Variants in CATSPERD observed in about 807,000 individuals in gnomAD.
CATSPERD encodes catsper channel auxiliary subunit delta, also known as cation channel sperm-associated auxiliary subunit delta.
Under a neutral mutation model 98.1 loss-of-function variants are expected in CATSPERD, and 86 were observed. The observed-to-expected ratio is 0.88, with a 90% CI of 0.74 to 1.05. The LOEUF (loss-of-function observed/expected upper bound fraction) is 1.05, where lower values mean the gene tolerates loss of function less well. CATSPERD is among the 50% of genes least tolerant of loss of function. The probability of loss-of-function intolerance (pLI) is 0.00; values close to 1 mark genes in which losing one functional copy is unlikely to be tolerated. For synonymous variants in CATSPERD, 394 were observed against 390.2 expected, an observed-to-expected ratio of 1.01 and a Z score of -0.12; for missense variants, 995 against 1,005.7, an observed-to-expected ratio of 0.99 and a Z score of 0.14.
intron 16 of CATSPERD, among the ~76,000 whole-genome samples, chr19:5,763,847 C>CTGTTTTTTTTTTTTTTTTTTTTTTTT: frequency 1.6e-5 from 1 of 62,136 alleles, no homozygotes; most frequent in South Asian, 6.2e-4. Flanking sequence ...TCTTGAACTC[C>CTGTTTTTTTTTTTTTTTTTTTTTTTT]TTTTTTTTTT....
At chr19:5,742,210 ATGTGTGTACATG>A (rs1568350727) in intron 7 of CATSPERD, among the ~76,000 whole-genome samples, 1 of 48,146 alleles carries the variant, frequency 2.1e-5, no homozygotes. Context: ...ACATGTGTGC[ATGTGTGTACATG>A]TGTGTGCGTG....
rs776962512 is a variant in CATSPERD, at chr19:5,727,319, G to A, written c.178G>A (p.Glu60Lys). The change falls in exon 3 of 22, where the codon GAG becomes AAG. Residue 60 changes from glutamate to lysine, a missense_variant. Around this residue, in one of 3 missense-constraint regions of CATSPERD, gnomAD observed 228 missense variants for 209.6 expected, o/e 1.09. Transcript: ENST00000381624. Reference protein sequence around the residue: ...TTTRLIKHPCEKNIALYLGKQ... With the variant: ...TTTRLIKHPCKKNIALYLGKQ... ...AACACGCTTGATTAAACATCCTTGC[G>A]AGAAAAATATAGCACTATATCTAGG... The A allele has an allele frequency of 4.9e-5, 79 of 1,613,208 alleles. No homozygotes were observed. In the East Asian group the frequency reaches 1.5e-3, roughly 30 times the overall value.
chr19:5,766,079 T>C (rs2446200), intron 16 of CATSPERD, 24 bp from the exon 17 acceptor site: 1,353,711 of 1,603,810 alleles, frequency 0.84, 573,784 homozygotes, highest in Non-Finnish European at 0.86. Flanking sequence ...CCTGGGTCCA[T>C]ATTTCTGTCT....
rs368212653 is a variant in CATSPERD, at chr19:5,745,942, C to T, written c.687C>T (p.Leu229=). The part of the protein sequence containing the change: ...KGMFKYSDHP[L]NRSFGLSFDY... ...TGTTCAAGTACTCAGATCACCCCCT[C>T]AACCGGAGTTTCGGGCTGTCTTTTG... The change falls in exon 9 of 22, where the codon CTC becomes CTT. Residue 229 remains leucine (L), a synonymous_variant. Transcript: ENST00000381624. 3.1e-6 allele frequency: 5 copies of T among 1,614,020 alleles called. No homozygotes were observed. The African/African-American group carries it at 6.7e-5, about 22-fold the overall frequency.
intron 4 of CATSPERD, among the ~76,000 whole-genome samples, chr19:5,733,221 T>C (rs1319350357): frequency 6.6e-6 from 1 of 152,122 alleles, no homozygotes; most frequent in East Asian, 1.9e-4. Context: ...CTTGAAATCC[T>C]CACCTCAGGT....
Position 5,720,736 on chromosome 19 carries a change from CGATGCT to C in CATSPERD, c.4_9del (p.MetLeu5_?6). On this transcript the variant is annotated start_lost and 5_prime_UTR_variant, in exon 1 of 22. Transcript: ENST00000381624. ...CAGTGGTGGCGGCGGAAGCCCAAGT[CGATGCT>C]GATGTTGATGCTGGTGGCGGCTGTG... 6.2e-7 allele frequency: 1 copy of C among 1,606,562 alleles called. No homozygotes were observed. The highest frequency in any genetic ancestry group is 8.5e-7 in the Non-Finnish European group (1 of 1,179,608).
intron 14 of CATSPERD, 119 bp downstream of exon 14, chr19:5,758,051 C>G (rs1037388660): frequency 9.3e-6 from 7 of 751,818 alleles, no homozygotes; most frequent in African/African-American, 1.8e-5. Context: ...GGCCGTGCCC[C>G]GCGGTGGGAA....
At chr19:5,732,479 C>A (rs2055746012) in intron 4 of CATSPERD, among the ~76,000 whole-genome samples, 2 of 151,900 alleles carry the variant, frequency 1.3e-5, no homozygotes, top group South Asian at 4.2e-4. Flanking sequence ...GTCGCCTAGG[C>A]TGGAGTGCAG....
intron 18 of CATSPERD, among the ~76,000 whole-genome samples, chr19:5,768,461 T>C (rs1044095607): frequency 1.3e-5 from 2 of 151,880 alleles, no homozygotes; most frequent in East Asian, 1.9e-4. Context: ...CTCAGCCTCC[T>C]GAGTAGTTGG....
In CATSPERD at chr19:5,751,717, T is replaced by C; in HGVS notation, c.1058T>C (p.Leu353Pro). ...AGGAGCCCAGGGACTCTGGAAATACTGACCCCACTGCGTGACACAGCCTTT... is the reference window on the plus strand; with the variant it reads ...AGGAGCCCAGGGACTCTGGAAATACCGACCCCACTGCGTGACACAGCCTTT... ...MFRSPGTLEI[L>P]TPLRDTAFPA... Residue 353 changes from leucine to proline, a missense_variant, in exon 12 of 22, where the codon CTG becomes CCG. By Grantham distance (98) the Leu-to-Pro change is moderately conservative. Transcript: ENST00000381624. 1 of 1,613,918 alleles carries C rather than the reference T, an allele frequency of 6.2e-7. No individual in the cohort carries two copies. Among genetic ancestry groups the C allele is most frequent in the Non-Finnish European group, 8.5e-7 (1 of 1,179,962 alleles).
chr19:5,762,870 G>A (rs888293143), intron 15 of CATSPERD, among the ~76,000 whole-genome samples: 1 of 151,560 alleles, frequency 6.6e-6, no homozygotes, highest in African/African-American at 2.4e-5. Flanking sequence ...ATAGGTGGAT[G>A]GAATGGATGG....
intron 21 of CATSPERD, 145 bp from the exon 22 acceptor site, chr19:5,778,231 G>T: frequency 1.9e-5 from 11 of 573,990 alleles, no homozygotes; most frequent in Admixed American, 3.4e-5. Context: ...AAAAGGCATA[G>T]TGGATGGAAA....
intron 4 of CATSPERD, among the ~76,000 whole-genome samples, chr19:5,730,517 T>C (rs1265851445): frequency 6.6e-6 from 1 of 150,620 alleles, no homozygotes; most frequent in Non-Finnish European, 1.5e-5. Context: ...CACTCCAGCC[T>C]GGGCAACAGA....
In CATSPERD at chr19:5,772,814, T is replaced by C; in HGVS notation, c.1790T>C (p.Val597Ala). The C allele has an allele frequency of 6.2e-7, 1 of 1,613,520 alleles. No homozygotes were observed. The highest frequency in any genetic ancestry group is 8.5e-7 in the Non-Finnish European group (1 of 1,179,790). ...TGGCGAAAAGACAGTTTCCAGGAGG[T>C]CATCGACGCCGAGTATGTGTTACTG... Reference protein sequence around the residue: ...ELWRKDSFQEVIDAEYVLLEV... With the variant: ...ELWRKDSFQEAIDAEYVLLEV... The change falls in exon 20 of 22, where the codon GTC becomes GCC. Residue 597 changes from valine (V) to alanine (A), a missense_variant. Val to Ala is a moderately conservative substitution (Grantham distance 64, BLOSUM62 0). This residue lies in a region of CATSPERD where 762 missense variants were observed against 773.7 expected (regional missense o/e 0.98). Transcript: ENST00000381624.
intron 1 of CATSPERD, among the ~76,000 whole-genome samples, chr19:5,722,337 G>C (rs1347958586): frequency 6.6e-6 from 1 of 152,020 alleles, no homozygotes; most frequent in African/African-American, 2.4e-5. Context: ...TGCCCAGGTT[G>C]GTCTCGAACT....
At chr19:5,746,111 A>AG in intron 9 of CATSPERD, 48 bp downstream of exon 9, 1 of 1,526,170 alleles carries the variant, frequency 6.6e-7, no homozygotes, top group Non-Finnish European at 8.8e-7. Flanking sequence ...GGCCTCCTCC[A>AG]GAGGGGCCGA....
intron 11 of CATSPERD, among the ~76,000 whole-genome samples, chr19:5,750,103 C>T (rs937847569): frequency 2.3e-4 from 34 of 149,212 alleles, no homozygotes; most frequent in East Asian, 9.9e-4. Context: ...CGCGCCCGGC[C>T]GAAACTCTGT....
At chr19:5,762,058 A>ATATATATATTTTTTT in intron 15 of CATSPERD, among the ~76,000 whole-genome samples, 8 of 10,438 alleles carry the variant, frequency 7.7e-4, no homozygotes, top group African/African-American at 1.3e-3. Context: ...ATATATATAT[A>ATATATATATTTTTTT]TTTTTTTTTT....
intron 9 of CATSPERD, among the ~76,000 whole-genome samples, chr19:5,747,559 G>T (rs971614780): frequency 1.3e-5 from 2 of 151,238 alleles, no homozygotes; most frequent in African/African-American, 4.9e-5. Flanking sequence ...CCATCCCTCT[G>T]AGCTTGCTTA....
Sources: gnomAD v4.1 joint callset for allele counts (sites outside exome capture counted in the v4.1 genomes callset) on GRCh38, gnomAD v4.1.1 for gene constraint, gnomAD v4.1.1 regional missense constraint, MANE v1.5 for transcripts, NCBI Gene and HGNC (gene_info 2026-07-23, HGNC 2026-07-21) for gene names.